The following TNFSF4 variants were observed in gnomAD, a reference collection of about 807,000 sequenced individuals.
The protein encoded by TNFSF4 is TNF superfamily member 4, also known as tumor necrosis factor ligand superfamily member 4.
A neutral mutation model predicts 7.3 loss-of-function variants in TNFSF4; 4 were observed. The observed-to-expected ratio is 0.55, with a 90% CI of 0.27 to 1.25. The LOEUF (loss-of-function observed/expected upper bound fraction) is 1.25. TNFSF4 is among the 50% of genes most tolerant of loss of function. The pLI, the probability that TNFSF4 is intolerant of heterozygous loss-of-function variation, is 0.12. For synonymous variants in TNFSF4, 76 were observed against 83.7 expected (o/e 0.91, Z 0.50); for missense variants, 181 against 208.8 (o/e 0.87, Z 0.82).
the TNFSF4 span, among the ~76,000 whole-genome samples, chr1:173,292,112 G>A: frequency 6.6e-6 from 1 of 152,020 alleles, no homozygotes; most frequent in African/African-American, 2.4e-5. Flanking sequence ...GTGAAGAGGA[G>A]GGACTCCCCT....
At chr1:173,362,519 G>C in the TNFSF4 span, 2 of 539,360 alleles carry the variant, frequency 3.7e-6, no homozygotes, top group African/African-American at 3.9e-5. Context: ...TTAGTTATTT[G>C]GTTGGCTTTT....
chr1:173,255,372 T>C, the TNFSF4 span, among the ~76,000 whole-genome samples: 1 of 152,256 alleles, frequency 6.6e-6, no homozygotes, highest in Non-Finnish European at 1.5e-5. Context: ...ACCTAATTTA[T>C]GGGACTGTAA....
the TNFSF4 span, among the ~76,000 whole-genome samples, chr1:173,351,437 T>C: frequency 6.6e-6 from 1 of 152,218 alleles, no homozygotes. Flanking sequence ...ACCCTCAAGG[T>C]AAATCTTCCT....
chr1:173,315,544 T>C, the TNFSF4 span, among the ~76,000 whole-genome samples: 1 of 152,028 alleles, frequency 6.6e-6, no homozygotes, highest in Non-Finnish European at 1.5e-5. Flanking sequence ...TGCAACCATA[T>C]GTGGAGGCAA....
chr1:173,362,041 A>G, the TNFSF4 span, among the ~76,000 whole-genome samples: 21 of 152,206 alleles, frequency 1.4e-4, no homozygotes, highest in Non-Finnish European at 2.5e-4. Context: ...GGAGTATCTT[A>G]TCATATACCA....
At chr1:173,205,432 T>C in intron 1 of TNFSF4, 5 of 1,589,502 alleles carry the variant, frequency 3.1e-6, no homozygotes, top group Non-Finnish European at 4.3e-6. Context: ...ATCTCCTGGA[T>C]ATTGATAGTC....
chr1:173,369,862 C>A, the TNFSF4 span, among the ~76,000 whole-genome samples: 1 of 151,778 alleles, frequency 6.6e-6, no homozygotes, highest in Admixed American at 6.6e-5. Context: ...AAGGAGAATA[C>A]ACACTATGCA....
At chr1:173,335,509 A>T in the TNFSF4 span, among the ~76,000 whole-genome samples, 1 of 152,206 alleles carries the variant, frequency 6.6e-6, no homozygotes. Flanking sequence ...GGATGTGATT[A>T]CCATAATAAA....
At chr1:173,367,342 A>G in the TNFSF4 span, among the ~76,000 whole-genome samples, 2 of 152,234 alleles carry the variant, frequency 1.3e-5, no homozygotes, top group African/African-American at 4.8e-5. Flanking sequence ...TCTTTGTGTT[A>G]CAGTGCCAGA....
the TNFSF4 span, among the ~76,000 whole-genome samples, chr1:173,266,708 C>T: frequency 4.3e-4 from 65 of 152,100 alleles, no homozygotes; most frequent in Middle Eastern, 3.4e-3. Context: ...TTATATTCCT[C>T]GTGTTTATTA....
At chr1:173,447,381 A>G in the TNFSF4 span, among the ~76,000 whole-genome samples, 2 of 152,270 alleles carry the variant, frequency 1.3e-5, no homozygotes, top group South Asian at 4.1e-4. Flanking sequence ...TATGTAAATT[A>G]TGGACTTTGG....
chr1:173,371,317 C>T, the TNFSF4 span, among the ~76,000 whole-genome samples: 4 of 152,166 alleles, frequency 2.6e-5, no homozygotes, highest in Non-Finnish European at 5.9e-5. Flanking sequence ...TCTTGTTATG[C>T]CTGTAAGTCC....
the TNFSF4 span, among the ~76,000 whole-genome samples, chr1:173,352,355 C>T: frequency 1.2e-4 from 18 of 152,186 alleles, no homozygotes; most frequent in African/African-American, 3.4e-4. Context: ...TCGGGGGAAC[C>T]AGCCCCAATA....
the TNFSF4 span, among the ~76,000 whole-genome samples, chr1:173,235,531 A>G: frequency 2.6e-5 from 4 of 152,176 alleles, no homozygotes; most frequent in Non-Finnish European, 4.4e-5. Context: ...ATGTCTTTGA[A>G]CTTGACACAT....
chr1:173,311,027 C>T, the TNFSF4 span, among the ~76,000 whole-genome samples: 1 of 151,804 alleles, frequency 6.6e-6, no homozygotes, highest in Non-Finnish European at 1.5e-5. Flanking sequence ...TTTATATTAT[C>T]TCATGTAAAC....
chr1:173,293,226 T>C, the TNFSF4 span, among the ~76,000 whole-genome samples: 1 of 152,030 alleles, frequency 6.6e-6, no homozygotes, highest in Admixed American at 6.6e-5. Context: ...ACTATAAGGC[T>C]ACAGTAACCA....
At chr1:173,236,416 C>CA in the TNFSF4 span, among the ~76,000 whole-genome samples, 38,149 of 109,888 alleles carry the variant, frequency 0.35, 5,381 homozygotes, top group Admixed American at 0.45. Flanking sequence ...CCAGTTATTT[C>CA]AAAAAAAAAA....
the TNFSF4 span, among the ~76,000 whole-genome samples, chr1:173,223,834 C>T: frequency 3.3e-5 from 5 of 152,172 alleles, no homozygotes; most frequent in African/African-American, 1.2e-4. Flanking sequence ...GCAAGAGCTC[C>T]AGGCAAAGGA....
At chr1:173,395,037 T>TAGATGATAGATA in the TNFSF4 span, among the ~76,000 whole-genome samples, 449 of 94,064 alleles carry the variant, frequency 4.8e-3, 3 homozygotes, top group East Asian at 0.011. Flanking sequence ...GATAGATAGA[T>TAGATGATAGATA]GATAGATAGA....
Sources: gnomAD v4.1 joint callset for allele counts (sites outside exome capture counted in the v4.1 genomes callset) on GRCh38, gnomAD v4.1.1 for gene constraint, MANE v1.5 for transcripts, NCBI Gene and HGNC (gene_info 2026-07-23, HGNC 2026-07-21) for gene names.